The following EPB41L1 variants were observed in gnomAD, a reference collection of about 807,000 sequenced individuals.
The protein encoded by EPB41L1 is erythrocyte membrane protein band 4.1 like 1.
Under a neutral mutation model 97.8 loss-of-function variants are expected in EPB41L1, and 29 were observed. The ratio of observed to expected loss-of-function variants is 0.30; its 90% confidence interval spans 0.22 to 0.40. The LOEUF is 0.40. EPB41L1 is among the 10% of genes least tolerant of loss of function. EPB41L1 has a pLI of 1.00. For synonymous variants in EPB41L1, 383 were observed against 459.2 expected (o/e 0.83, Z 2.12); for missense variants, 812 against 1,162.3 (o/e 0.70, Z 4.38).
intron 19 of EPB41L1, 52 bp from the exon 20 acceptor site, chr20:36,221,812 C>A: frequency 6.5e-7 from 1 of 1,547,212 alleles, no homozygotes; most frequent in East Asian, 2.2e-5. Flanking sequence ...CCTCTTGAGG[C>A]TGCTGCCCCA....
At chr20:36,178,783 G>C in intron 5 of EPB41L1, 111 bp downstream of exon 5, 1 of 1,198,906 alleles carries the variant, frequency 8.3e-7, no homozygotes, top group East Asian at 2.3e-5. Context: ...CAGGCCAGGC[G>C]TTGTGGCTCA....
chr20:36,147,152 CAAT>C (rs974281442), intron 2 of EPB41L1, among the ~76,000 whole-genome samples: 3 of 151,816 alleles, frequency 2.0e-5, no homozygotes, highest in African/African-American at 4.8e-5. Context: ...TGTCTCAAAA[CAAT>C]AATAACAGCA....
chr20:36,108,067 T>C (rs1023261752), intron 1 of EPB41L1, among the ~76,000 whole-genome samples: 10 of 151,990 alleles, frequency 6.6e-5, no homozygotes, highest in Admixed American at 2.6e-4. Flanking sequence ...ACTGCAACCC[T>C]TGAACTCCTG....
intron 1 of EPB41L1, among the ~76,000 whole-genome samples, chr20:36,100,845 G>A (rs1045382113): frequency 3.3e-5 from 5 of 152,140 alleles, no homozygotes; most frequent in Non-Finnish European, 7.4e-5. Context: ...TCCCAGGCCT[G>A]CACTCTGGCA....
chr20:36,229,284 TC>T (rs1318994389), intron 21 of EPB41L1, 47 bp from the exon 22 acceptor site: 22 of 1,440,852 alleles, frequency 1.5e-5, no homozygotes, highest in Middle Eastern at 1.7e-4. Context: ...TTCCTTCCTT[TC>T]CCCCCACTCC....
chr20:36,114,909 G>C (rs1444882385), intron 2 of EPB41L1, among the ~76,000 whole-genome samples: 1 of 152,120 alleles, frequency 6.6e-6, no homozygotes, highest in Non-Finnish European at 1.5e-5. Flanking sequence ...GACACCGGGG[G>C]AGTAGAAGGC....
Position 36,185,222 on chromosome 20 carries a change from G to A in EPB41L1, c.672G>A (p.Leu224=). 1 of 1,613,860 alleles carries A rather than the reference G, an allele frequency of 6.2e-7. No individual in the cohort carries two copies. Among genetic ancestry groups the A allele is most frequent in the South Asian group, 1.1e-5 (1 of 91,066 alleles). Residue 224 remains leucine, a synonymous_variant, in exon 7 of 22, where the codon CTG becomes CTA. Transcript: ENST00000338074. ...LLGSYAVQAE[L]GDYDAEEHVG... is the part of the protein sequence containing the mutation. Reference sequence around the variant, plus strand: ...GCTCCTACGCTGTGCAGGCTGAGCTGGGTGACTATGATGCTGAGGAGCATG... The same window carrying A: ...GCTCCTACGCTGTGCAGGCTGAGCTAGGTGACTATGATGCTGAGGAGCATG...
intron 2 of EPB41L1, among the ~76,000 whole-genome samples, chr20:36,122,933 A>T (rs766088032): frequency 6.6e-6 from 1 of 152,036 alleles, no homozygotes; most frequent in African/African-American, 2.4e-5. Flanking sequence ...ACCTGGGTAA[A>T]ATGAGTGCCT....
chr20:36,205,252 A>G (rs1201913491), intron 14 of EPB41L1, among the ~76,000 whole-genome samples: 7 of 152,190 alleles, frequency 4.6e-5, no homozygotes, highest in African/African-American at 1.7e-4. Flanking sequence ...ATTAGGTCAC[A>G]GTTGGCACCC....
At chr20:36,105,312 C>G (rs576265123) in intron 1 of EPB41L1, among the ~76,000 whole-genome samples, 2 of 152,212 alleles carry the variant, frequency 1.3e-5, no homozygotes, top group South Asian at 4.2e-4. Flanking sequence ...GGAGTGGCAT[C>G]CAGGGCTGGA....
intron 2 of EPB41L1, among the ~76,000 whole-genome samples, chr20:36,174,596 A>G (rs1331997270): frequency 1.3e-5 from 2 of 148,770 alleles, no homozygotes; most frequent in Non-Finnish European, 3.0e-5. Flanking sequence ...TTTAACTTTC[A>G]GTAGAGATGA....
intron 7 of EPB41L1, among the ~76,000 whole-genome samples, chr20:36,186,462 C>T (rs941665418): frequency 2.0e-5 from 3 of 151,896 alleles, no homozygotes; most frequent in Non-Finnish European, 4.4e-5. Context: ...GGATCGTGTA[C>T]GTGGGGAAGA....
At chr20:36,218,157 A>G (rs767935635) in intron 17 of EPB41L1, among the ~76,000 whole-genome samples, 15 of 152,190 alleles carry the variant, frequency 9.9e-5, no homozygotes, top group Non-Finnish European at 2.1e-4. Flanking sequence ...GTCAGACAAC[A>G]TGGAGTTAAG....
intron 1 of EPB41L1, among the ~76,000 whole-genome samples, chr20:36,167,086 CAG>C (rs1386569293): frequency 1.3e-5 from 2 of 151,940 alleles, no homozygotes; most frequent in Non-Finnish European, 2.9e-5. Context: ...ACCAAAAAAA[CAG>C]GGGAAAGGAC....
chr20:36,218,780 C>T (rs574051777), intron 17 of EPB41L1, 96 bp from the exon 18 acceptor site: 2 of 1,090,242 alleles, frequency 1.8e-6, no homozygotes, highest in East Asian at 2.5e-5. Flanking sequence ...TTCTACTCAA[C>T]CTTGTGGTCG....
intron 1 of EPB41L1, among the ~76,000 whole-genome samples, chr20:36,099,353 C>G (rs1013954239): frequency 3.3e-5 from 5 of 152,116 alleles, no homozygotes; most frequent in African/African-American, 1.2e-4. Context: ...GACAAGTCAC[C>G]TAATCTTGCT....
At chr20:36,182,104 C>T (rs1447144052) in intron 5 of EPB41L1, among the ~76,000 whole-genome samples, 168 bp from the exon 6 acceptor site, 1 of 152,170 alleles carries the variant, frequency 6.6e-6, no homozygotes, top group Admixed American at 6.5e-5. Context: ...TTAACTTGGG[C>T]CTCAGTTTGC....
chr20:36,199,082 A>C (rs2062358677), intron 14 of EPB41L1, among the ~76,000 whole-genome samples: 1 of 152,228 alleles, frequency 6.6e-6, no homozygotes, highest in Non-Finnish European at 1.5e-5. Context: ...AGCATGTTTC[A>C]ATCCAAAGTG....
intron 1 of EPB41L1, among the ~76,000 whole-genome samples, chr20:36,098,985 A>G (rs547726146): frequency 6.6e-6 from 1 of 152,290 alleles, no homozygotes; most frequent in Non-Finnish European, 1.5e-5. Context: ...CCTGGCCAAC[A>G]TGGTGAAACG....
Sources: gnomAD v4.1 joint callset for allele counts (sites outside exome capture counted in the v4.1 genomes callset) on GRCh38, gnomAD v4.1.1 for gene constraint, MANE v1.5 for transcripts, NCBI Gene and HGNC (gene_info 2026-07-23, HGNC 2026-07-21) for gene names.